The following AUTS2 variants were observed in gnomAD, a reference collection of about 807,000 sequenced individuals.
AUTS2 encodes the protein autism susceptibility gene 2 protein.
AUTS2 carries 17 observed loss-of-function variants against 112.4 expected under a neutral mutation model. The observed-to-expected ratio is 0.15, with a 90% CI of 0.10 to 0.23. AUTS2 has a LOEUF of 0.23. AUTS2 is among the 10% of genes least tolerant of loss of function. The pLI is 1.00. For missense variants in AUTS2, 1,510 were observed against 1,701.6 expected (o/e 0.89, Z 1.98); for synonymous variants, 751 against 702.7 (o/e 1.07, Z -1.09).
chr7:70,335,939 T>C (rs1159940441), intron 4 of AUTS2, among the ~76,000 whole-genome samples: 1 of 152,182 alleles, frequency 6.6e-6, no homozygotes, highest in Admixed American at 6.5e-5. Flanking sequence ...TGTAAAGTGA[T>C]TAACCAAGAC....
intron 5 of AUTS2, among the ~76,000 whole-genome samples, chr7:70,528,741 G>A (rs1799958493): frequency 6.6e-6 from 1 of 151,620 alleles, no homozygotes; most frequent in East Asian, 1.9e-4. Flanking sequence ...GGGCTGTTGT[G>A]CACTATGATT....
At chr7:70,603,869 A>G (rs1039553032) in intron 5 of AUTS2, among the ~76,000 whole-genome samples, 5 of 152,192 alleles carry the variant, frequency 3.3e-5, no homozygotes, top group African/African-American at 9.7e-5. Flanking sequence ...AATAACTACT[A>G]TTTATTGAGG....
intron 2 of AUTS2, among the ~76,000 whole-genome samples, chr7:70,052,283 C>T (rs773735485): frequency 2.0e-5 from 3 of 152,086 alleles, no homozygotes; most frequent in Non-Finnish European, 4.4e-5. Context: ...ATATAGAAGA[C>T]TGGCCAAGGG....
At chr7:69,688,713 A>T (rs1299111168) in intron 1 of AUTS2, among the ~76,000 whole-genome samples, 1 of 152,200 alleles carries the variant, frequency 6.6e-6, no homozygotes, top group Non-Finnish European at 1.5e-5. Flanking sequence ...GCTATAGAAC[A>T]CTATAATAGA....
chr7:70,086,363 C>T (rs539561672), intron 2 of AUTS2, among the ~76,000 whole-genome samples: 132 of 152,032 alleles, frequency 8.7e-4, no homozygotes, highest in Middle Eastern at 3.4e-3. Flanking sequence ...CTGCAGTGGC[C>T]GGGCACAATG....
chr7:70,428,183 A>C (rs1398687324), intron 4 of AUTS2, among the ~76,000 whole-genome samples: 1 of 152,198 alleles, frequency 6.6e-6, no homozygotes, highest in Non-Finnish European at 1.5e-5. Flanking sequence ...AAATTTAAAA[A>C]TTTCTAGGGC....
Position 70,766,504 on chromosome 7 carries a change from C to A in AUTS2, c.1689+170C>A, listed in dbSNP as rs536442338. 1.5e-4 allele frequency: 130 copies of A among 839,742 alleles called. No individual in the cohort carries two copies. Among genetic ancestry groups the A allele is most frequent in the Admixed American group, 3.0e-4 (12 of 40,390 alleles). The allele number at this position is 839,742 out of a possible 1,614,324, so 52.0% of individuals were successfully genotyped here. On this transcript the variant is annotated intron_variant, in intron 9 of 18. Coordinates refer to ENST00000342771, the MANE Select transcript of AUTS2 (RefSeq NM_015570.4). This position sits in a 1 kb window ranked among gnomAD's most constrained non-coding sequence, Gnocchi z 4.8. Reference sequence around the variant, plus strand: ...AGTGCCCTGCCTCAGGCAGCTCTGACTTCAGGGGCCTAAAGTAGGAACTTC... The same window carrying A: ...AGTGCCCTGCCTCAGGCAGCTCTGAATTCAGGGGCCTAAAGTAGGAACTTC...
intron 13 of AUTS2, 160 bp from the exon 14 acceptor site, chr7:70,776,943 G>A (rs1396701339): frequency 5.8e-6 from 4 of 692,470 alleles, no homozygotes; most frequent in African/African-American, 1.8e-5. Context: ...ATGACTGGGC[G>A]CTGGAGAGCT....
At chr7:70,338,343 G>A (rs748173666) in intron 4 of AUTS2, among the ~76,000 whole-genome samples, 1 of 152,186 alleles carries the variant, frequency 6.6e-6, no homozygotes, top group Non-Finnish European at 1.5e-5. Flanking sequence ...CTAATTACAT[G>A]TTGGAGGATT....
At chr7:70,072,419 A>C (rs781482078) in intron 2 of AUTS2, among the ~76,000 whole-genome samples, 1 of 152,202 alleles carries the variant, frequency 6.6e-6, no homozygotes, top group Non-Finnish European at 1.5e-5. Context: ...CTCTAGTAGA[A>C]TAAGAACTGC....
At chr7:69,765,817 C>T (rs996140232) in intron 1 of AUTS2, among the ~76,000 whole-genome samples, 6 of 151,976 alleles carry the variant, frequency 3.9e-5, no homozygotes, top group East Asian at 1.9e-4. Context: ...CATGGTGGCA[C>T]GTGCCTGTAG....
chr7:70,045,598 T>C (rs1668445560), intron 2 of AUTS2, among the ~76,000 whole-genome samples: 1 of 150,618 alleles, frequency 6.6e-6, no homozygotes, highest in South Asian at 2.1e-4. Context: ...TTTTATTATA[T>C]TATATTTTAT....
intron 1 of AUTS2, among the ~76,000 whole-genome samples, chr7:69,801,330 C>T (rs999012703): frequency 1.3e-5 from 2 of 151,034 alleles, no homozygotes; most frequent in Non-Finnish European, 1.5e-5. Flanking sequence ...GAAGTTGATA[C>T]GATTAAAAAC....
intron 1 of AUTS2, among the ~76,000 whole-genome samples, chr7:69,648,234 C>T (rs1189037901): frequency 6.6e-6 from 1 of 152,024 alleles, no homozygotes; most frequent in East Asian, 1.9e-4. Flanking sequence ...AACAAACTTA[C>T]AAGACATATA....
intron 18 of AUTS2, 98 bp from the exon 19 acceptor site, chr7:70,789,650 C>T: frequency 7.0e-7 from 1 of 1,419,704 alleles, no homozygotes; most frequent in Non-Finnish European, 9.6e-7. Flanking sequence ...AGCCCCCAGC[C>T]TGTCCTCTTC....
chr7:69,963,333 A>G (rs1797505298), intron 2 of AUTS2, among the ~76,000 whole-genome samples: 1 of 152,128 alleles, frequency 6.6e-6, no homozygotes, highest in South Asian at 2.1e-4. Flanking sequence ...CTGTTGGAGG[A>G]GGTGACCATC....
chr7:70,786,042 A>C lies in AUTS2; in HGVS notation c.2308+4A>C. 1 of 1,612,272 alleles carries C rather than the reference A, an allele frequency of 6.2e-7. No homozygotes were observed. The highest frequency in any genetic ancestry group is 8.5e-7 in the Non-Finnish European group (1 of 1,178,316). ...GGACTTGGAAATCCTTCCGTTAGTG[A>C]GTACCTCTAACTTTTAAAAATCTGC... On this transcript the variant is annotated splice_donor_region_variant and intron_variant, in intron 17 of 18. Transcript: ENST00000342771.
At chr7:70,577,384 T>TA (rs1170490968) in intron 5 of AUTS2, among the ~76,000 whole-genome samples, 1 of 152,230 alleles carries the variant, frequency 6.6e-6, no homozygotes, top group African/African-American at 2.4e-5. Flanking sequence ...CCTTCTTTTC[T>TA]ACCAATAATT....
Position 70,539,918 on chromosome 7 carries a change from C to G in AUTS2, c.690+104137C>G, listed in dbSNP as rs560115526. On this transcript the variant is annotated intron_variant, in intron 5 of 18. Transcript: ENST00000342771. ...CAGGGATGGGCTCCTCTCTGCAAAC[C>G]TATGTAGGGCATATTCTCAGCCACT... Among the ~76,000 whole-genome samples the G allele has an allele frequency of 1.1e-4, 16 of 152,330 alleles. No individual in the cohort carries two copies. The South Asian group carries it at 1.7e-3, about 16-fold the overall frequency.
Sources: gnomAD v4.1 joint callset for allele counts (sites outside exome capture counted in the v4.1 genomes callset) on GRCh38, gnomAD v4.1.1 for gene constraint, Gnocchi (gnomAD v3.1) non-coding constraint, MANE v1.5 for transcripts, NCBI Gene and HGNC (gene_info 2026-07-23, HGNC 2026-07-21) for gene names.